Variants in SLC25A19 observed in about 807,000 individuals in gnomAD.
The protein encoded by SLC25A19 is solute carrier family 25 member 19.
Under a neutral mutation model 27.9 loss-of-function variants are expected in SLC25A19, and 18 were observed. The ratio of observed to expected loss-of-function variants is 0.64; its 90% confidence interval spans 0.45 to 0.96. SLC25A19 has a LOEUF of 0.96. SLC25A19 is among the 40% of genes least tolerant of loss of function. SLC25A19 has a pLI of 0.00. For missense variants in SLC25A19, 371 were observed against 418.3 expected, an observed-to-expected ratio of 0.89 and a Z score of 0.99; for synonymous variants, 169 against 167.1, an observed-to-expected ratio of 1.01 and a Z score of -0.09.
chr17:75,274,645 C>T (rs2077818620), intron 7 of SLC25A19, among the ~76,000 whole-genome samples: 1 of 152,154 alleles, frequency 6.6e-6, no homozygotes, highest in African/African-American at 2.4e-5. Context: ...TGTCCAAATT[C>T]AAACTGTCCC....
chr17:75,284,006 T>TG (rs1301016997), intron 4 of SLC25A19, among the ~76,000 whole-genome samples: 3 of 151,094 alleles, frequency 2.0e-5, no homozygotes, highest in African/African-American at 4.9e-5. Context: ...CCCAGGTACT[T>TG]GGGGGGCTGA....
At chr17:75,279,340 G>A (rs1373661899) in intron 5 of SLC25A19, among the ~76,000 whole-genome samples, 1 of 152,026 alleles carries the variant, frequency 6.6e-6, no homozygotes, top group African/African-American at 2.4e-5. Context: ...TATCGTTCAA[G>A]ATCATGTTTA....
At chr17:75,282,538 A>C (rs913156043) in intron 5 of SLC25A19, among the ~76,000 whole-genome samples, 8 of 151,074 alleles carry the variant, frequency 5.3e-5, no homozygotes, top group African/African-American at 2.0e-4. Context: ...AATAAGAGCG[A>C]GACTCCGTCT....
rs763755139 is a variant in SLC25A19 at position 75,277,486 on chromosome 17, G to T, written c.644-3C>A. 25 of 1,613,790 alleles carry T rather than the reference G, an allele frequency of 1.5e-5. No individual in the cohort carries two copies. The highest frequency in any genetic ancestry group is 2.0e-5 in the Non-Finnish European group (24 of 1,179,926). On this transcript the variant is annotated splice_region_variant and splice_polypyrimidine_tract_variant and intron_variant, in intron 6 of 7. Coordinates refer to ENST00000416858, the MANE Select transcript of SLC25A19 (RefSeq NM_001126121.2). ...ACAAAGCAGGTTTTGGAGGTTCTCT[G>T]AACCAGAGAAGTGGGATTGGGAGAA...
intron 4 of SLC25A19, 142 bp from the exon 5 acceptor site, chr17:75,283,735 G>T: frequency 2.6e-6 from 2 of 780,708 alleles, no homozygotes; most frequent in Non-Finnish European, 4.4e-6. Context: ...TTCTTGAGCA[G>T]TGACAGCATA....
intron 7 of SLC25A19, among the ~76,000 whole-genome samples, chr17:75,275,454 A>AT (rs1449374920): frequency 1.3e-5 from 2 of 151,744 alleles, no homozygotes; most frequent in East Asian, 3.9e-4. Flanking sequence ...TGTCAGGCAT[A>AT]TTTTTTCACA....
chr17:75,274,520 G>C (rs2077814166), intron 7 of SLC25A19, among the ~76,000 whole-genome samples: 1 of 152,176 alleles, frequency 6.6e-6, no homozygotes, highest in South Asian at 2.1e-4. Flanking sequence ...TCCCTGATCT[G>C]ACCTCCACTG....
Position 75,278,260 on chromosome 17 carries a change from C to A in SLC25A19, c.535G>T (p.Ala179Ser). Reference sequence around the variant, plus strand: ...GGGAAGATGGCGATCAAGGTGGGAGCCAAGCCTTTGTAGAAAACCTGGGGG... The same window carrying A: ...GGGAAGATGGCGATCAAGGTGGGAGACAAGCCTTTGTAGAAAACCTGGGGG... ...EGPQVFYKGL[A>S]PTLIAIFPYA... The change falls in exon 6 of 8, where the codon GCT becomes TCT. Residue 179 changes from alanine to serine, a missense_variant. Coordinates refer to ENST00000416858, the MANE Select transcript of SLC25A19 (RefSeq NM_001126121.2). 1 of 1,614,020 alleles carries A rather than the reference C, an allele frequency of 6.2e-7. No individual in the cohort carries two copies. Among genetic ancestry groups the A allele is most frequent in the Middle Eastern group, 1.7e-4 (1 of 6,040 alleles).
chr17:75,282,890 A>C (rs1206255683), intron 5 of SLC25A19, among the ~76,000 whole-genome samples: 1 of 151,150 alleles, frequency 6.6e-6, no homozygotes, highest in Non-Finnish European at 1.5e-5. Context: ...AAATAAAAAT[A>C]AAAATCATAT....
At chr17:75,277,950 A>C (rs971103389) in intron 6 of SLC25A19, among the ~76,000 whole-genome samples, 10 of 152,230 alleles carry the variant, frequency 6.6e-5, no homozygotes, top group African/African-American at 2.4e-4. Context: ...CAGTAATGCC[A>C]GTGATGGGTG....
At chr17:75,279,223 C>T (rs1407604412) in intron 5 of SLC25A19, among the ~76,000 whole-genome samples, 1 of 151,848 alleles carries the variant, frequency 6.6e-6, no homozygotes, top group Non-Finnish European at 1.5e-5. Context: ...TAAAAGTAGT[C>T]GCCTCTGGGG....
intron 7 of SLC25A19, among the ~76,000 whole-genome samples, chr17:75,275,949 C>G (rs2077874808): frequency 6.6e-6 from 1 of 151,016 alleles, no homozygotes; most frequent in African/African-American, 2.4e-5. Flanking sequence ...CCAGCCTGGG[C>G]AAAAGAGCGA....
At chr17:75,283,939 C>T (rs1418411217) in intron 4 of SLC25A19, among the ~76,000 whole-genome samples, 2 of 152,020 alleles carry the variant, frequency 1.3e-5, no homozygotes, top group African/African-American at 2.4e-5. Context: ...CATAGTGAAA[C>T]CCTGTCTTTA....
chr17:75,273,184 G>T lies in SLC25A19; in HGVS notation c.*267C>A. On this transcript the variant is annotated 3_prime_UTR_variant, in exon 8 of 8. Coordinates refer to ENST00000416858, the MANE Select transcript of SLC25A19 (RefSeq NM_001126121.2). ...TGGCGTCTGTTTCCTTTGGAGTGTG[G>T]GCTGGTCAGAGGAGAAACAGCAACT... 1 of 492,700 alleles carries T rather than the reference G, an allele frequency of 2.0e-6. No homozygotes were observed. The highest frequency in any genetic ancestry group is 3.7e-6 in the Non-Finnish European group (1 of 269,002). The allele number at this position is 492,700 out of a possible 1,614,324, so 30.5% of individuals were successfully genotyped here.
At chr17:75,278,710 G>A (rs559171980) in intron 5 of SLC25A19, among the ~76,000 whole-genome samples, 7 of 152,232 alleles carry the variant, frequency 4.6e-5, no homozygotes, top group South Asian at 2.1e-4. Context: ...GGCCAGGCGC[G>A]GTGGCTCACG....
intron 5 of SLC25A19, among the ~76,000 whole-genome samples, chr17:75,281,992 G>C (rs2078049243): frequency 6.6e-6 from 1 of 152,144 alleles, no homozygotes; most frequent in Non-Finnish European, 1.5e-5. Flanking sequence ...AACCTCTGCC[G>C]AGTGCGGTGG....
chr17:75,287,959 C>A (rs1351397501), intron 2 of SLC25A19, among the ~76,000 whole-genome samples: 1 of 152,056 alleles, frequency 6.6e-6, no homozygotes, highest in Non-Finnish European at 1.5e-5. Context: ...GTCTGGCCAA[C>A]ATGGTGAAAC....
intron 2 of SLC25A19, 35 bp from the exon 3 acceptor site, chr17:75,286,837 A>C (rs2078195450): frequency 6.3e-7 from 1 of 1,593,546 alleles, no homozygotes; most frequent in Admixed American, 1.7e-5. Context: ...ACACCAGGCA[A>C]GTTTCTTATG....
chr17:75,278,409 TC>T, intron 5 of SLC25A19, 74 bp from the exon 6 acceptor site: 1 of 1,546,920 alleles, frequency 6.5e-7, no homozygotes, highest in South Asian at 1.1e-5. Context: ...CATAGCTCTG[TC>T]CCCTCGCCTA....
Sources: allele counts gnomAD v4.1 joint callset (sites outside exome capture counted in the v4.1 genomes callset), GRCh38; gene constraint gnomAD v4.1.1; transcripts MANE v1.5; gene names NCBI Gene and HGNC (gene_info 2026-07-23, HGNC 2026-07-21).